The following RAD54B variants were observed in gnomAD, a reference collection of about 807,000 sequenced individuals.
RAD54B encodes RAD54 homolog B.
In RAD54B, 78 loss-of-function variants were observed where a neutral mutation model predicts 95.8. The ratio of observed to expected loss-of-function variants is 0.81; its 90% CI spans 0.68 to 0.98. The LOEUF (loss-of-function observed/expected upper bound fraction) is 0.98. RAD54B is among the 50% of genes least tolerant of loss of function. RAD54B has a pLI of 0.00. For missense variants in RAD54B, 957 were observed against 1,056.6 expected (o/e 0.91, Z 1.31); for synonymous variants, 328 against 354.9 (o/e 0.92, Z 0.85).
rs371957108 is a variant in RAD54B at position 94,467,457 on chromosome 8, G to A, written c.83C>T (p.Pro28Leu). Residue 28 changes from proline to leucine, a missense_variant, in exon 2 of 15, where the codon CCA (proline) becomes CTA (leucine). Coordinates refer to ENST00000336148, the MANE Select transcript of RAD54B (RefSeq NM_012415.3). ...PKFIPPGRSN[P>L]GLNEEITKLN... ...TTTTGTAATCTCTTCATTCAGACCT[G>A]GATTACTTCTTCCTGGAGGTATAAA... The A allele has an allele frequency of 2.4e-5, 38 of 1,613,088 alleles. No homozygotes were observed. Among genetic ancestry groups the A allele is most frequent in the Non-Finnish European group, 3.1e-5 (36 of 1,179,646 alleles).
rs199657611 is a variant in RAD54B at position 94,435,187 on chromosome 8, T to C, written c.304+23081A>G. Among the ~76,000 whole-genome samples the C allele has an allele frequency of 2.0e-5, 3 of 152,172 alleles. No individual in the cohort carries two copies. The East Asian group carries it at 5.8e-4, about 29-fold the overall frequency. On this transcript the variant is annotated intron_variant, in intron 3 of 14. Coordinates refer to ENST00000336148, the MANE Select transcript of RAD54B (RefSeq NM_012415.3). ...TTTACTGCGTAGTTTTCTGGATATC[T>C]AGCTATTGGGATTTCATCATTTGTC...
At position 94,378,748 on chromosome 8, in the gene RAD54B, C is replaced by T. The variant is rs1427580157; in HGVS notation, c.2248-114G>A. ...TCGGAATTCTATATTTTACATACAGCTTCAGAAAACAAATCTCAGGTGTGT... is the reference window on the plus strand; with the variant it reads ...TCGGAATTCTATATTTTACATACAGTTTCAGAAAACAAATCTCAGGTGTGT... On this transcript the variant is annotated intron_variant, in intron 12 of 14. Coordinates refer to ENST00000336148, the MANE Select transcript of RAD54B (RefSeq NM_012415.3). 4 of 690,196 alleles carry T rather than the reference C, an allele frequency of 5.8e-6. No individual in the cohort carries two copies. In the East Asian group the frequency reaches 8.2e-5, roughly 14 times the overall value. 42.8% of individuals were successfully genotyped at this position (690,196 alleles called of 1,614,324 possible).
intron 8 of RAD54B, 74 bp from the exon 9 acceptor site, chr8:94,393,956 C>T (rs1161486768): frequency 1.5e-6 from 2 of 1,328,614 alleles, no homozygotes; most frequent in African/African-American, 3.0e-5. Context: ...ATAGCAAAAC[C>T]ACAATGGAAG....
intron 1 of RAD54B, among the ~76,000 whole-genome samples, chr8:94,469,236 C>T (rs1813108250): frequency 6.6e-6 from 1 of 152,010 alleles, no homozygotes; most frequent in African/African-American, 2.4e-5. Context: ...GTGACCCCAC[C>T]CAATCTCACC....
chr8:94,390,794 T>C (rs936497582), intron 10 of RAD54B, among the ~76,000 whole-genome samples: 3 of 151,922 alleles, frequency 2.0e-5, no homozygotes, highest in African/African-American at 4.8e-5. Flanking sequence ...GATTTCAGAT[T>C]TTTTCAGATT....
chr8:94,374,539 A>G (rs1336001130), intron 14 of RAD54B, among the ~76,000 whole-genome samples: 2 of 152,202 alleles, frequency 1.3e-5, no homozygotes, highest in Admixed American at 1.3e-4. Flanking sequence ...TTGACAAGAG[A>G]TACCTAAAAC....
At chr8:94,396,097 AG>A (rs998434016) in intron 8 of RAD54B, among the ~76,000 whole-genome samples, 44 of 152,084 alleles carry the variant, frequency 2.9e-4, no homozygotes, top group Non-Finnish European at 1.5e-5. Flanking sequence ...AGAGTAAGGA[AG>A]GGGGGAAAAA....
chr8:94,394,676 A>C (rs1811100376), intron 8 of RAD54B, among the ~76,000 whole-genome samples: 1 of 152,204 alleles, frequency 6.6e-6, no homozygotes, highest in Admixed American at 6.5e-5. Flanking sequence ...TTTTCAAAGA[A>C]ACATTAGCAT....
At chr8:94,424,320 A>T (rs539240630) in intron 3 of RAD54B, among the ~76,000 whole-genome samples, 1 of 152,182 alleles carries the variant, frequency 6.6e-6, no homozygotes, top group African/African-American at 2.4e-5. Flanking sequence ...AATGAATATA[A>T]TACTAATACT....
intron 3 of RAD54B, among the ~76,000 whole-genome samples, chr8:94,419,738 G>A (rs1228688229): frequency 8.3e-6 from 1 of 120,664 alleles, no homozygotes; most frequent in Non-Finnish European, 1.6e-5. Flanking sequence ...CTCACAGCCT[G>A]GCCCCCACCA....
chr8:94,378,575 T>C lies in RAD54B; in HGVS notation c.2307A>G (p.Leu769=), dbSNP rs753645144. ...ACACTGAAGGGTTGTTACCTGTAGTTAGGAGTCTGTAAATATGTACAGGAT... is the reference window on the plus strand; with the variant it reads ...ACACTGAAGGGTTGTTACCTGTAGTCAGGAGTCTGTAAATATGTACAGGAT... ...QKYPVHIYRL[L]TTGTIEEKIY... Residue 769 remains leucine (L), a synonymous_variant, in exon 13 of 15, where the codon CTA becomes CTG. Transcript: ENST00000336148. The C allele has an allele frequency of 5.0e-6, 8 of 1,605,634 alleles. No individual in the cohort carries two copies. The highest frequency in any genetic ancestry group is 6.8e-6 in the Non-Finnish European group (8 of 1,175,172).
chr8:94,410,988 C>G, intron 4 of RAD54B, 133 bp downstream of exon 4: 1 of 647,346 alleles, frequency 1.5e-6, no homozygotes, highest in Non-Finnish European at 2.6e-6. Context: ...GTATTATACA[C>G]AGTTGAGGCA....
In RAD54B at chr8:94,428,960, T is replaced by C. The variant is rs115726003; in HGVS notation, c.305-17645A>G. ...ATGGTCAAATAAATAATTTTCTTTA[T>C]ACAGGAATTCTCATAAACTATACTA... is the stretch of plus-strand genomic sequence containing the variant. On this transcript the variant is annotated intron_variant, in intron 3 of 14. Coordinates refer to ENST00000336148, the MANE Select transcript of RAD54B (RefSeq NM_012415.3). 1.2e-3 allele frequency: 1,205 copies of C among 982,926 alleles called. 15 individuals carry two copies. In the African/African-American group the frequency reaches 0.019, roughly 16 times the overall value. The allele number at this position is 982,926 out of a possible 1,614,324, so 60.9% of individuals were successfully genotyped here. A position where few individuals can be genotyped will look rare whatever the true frequency, so the allele number is the denominator to read the frequency against.
intron 3 of RAD54B, among the ~76,000 whole-genome samples, chr8:94,424,152 T>A (rs1223996267): frequency 1.3e-5 from 2 of 152,192 alleles, no homozygotes; most frequent in Non-Finnish European, 2.9e-5. Flanking sequence ...TGAAATACCA[T>A]AAGATTCTCG....
At chr8:94,412,515 AC>A (rs1471170228) in intron 3 of RAD54B, among the ~76,000 whole-genome samples, 1 of 152,018 alleles carries the variant, frequency 6.6e-6, no homozygotes, top group East Asian at 1.9e-4. Flanking sequence ...TGCTTCTTAC[AC>A]CTAACTTGCA....
chr8:94,467,006 G>A (rs12375355), intron 2 of RAD54B, among the ~76,000 whole-genome samples: 37,108 of 152,030 alleles, frequency 0.24, 5,623 homozygotes, highest in East Asian at 0.43. Flanking sequence ...ACAGCTCACT[G>A]CAGCTTTGAC....
rs77744780 is a variant in RAD54B, at chr8:94,450,387, A to G, written c.304+7881T>C. Among the ~76,000 whole-genome samples, 510 of 152,340 alleles carry G rather than the reference A, an allele frequency of 3.3e-3. 5 individuals are homozygous for G. The East Asian group carries it at 0.039, about 12-fold the overall frequency. ...ACAGCAAATCTTGCAAAAGGTTGACATGATAGGTACTTGGAAAGAGACTGA... is the reference window on the plus strand; with the variant it reads ...ACAGCAAATCTTGCAAAAGGTTGACGTGATAGGTACTTGGAAAGAGACTGA... On this transcript the variant is annotated intron_variant, in intron 3 of 14. Transcript: ENST00000336148.
intron 3 of RAD54B, chr8:94,429,024 G>T: frequency 1.0e-6 from 1 of 983,668 alleles, no homozygotes; most frequent in Non-Finnish European, 1.2e-6. Flanking sequence ...AGACAATGAG[G>T]AGAATTATAT....
At position 94,378,291 on chromosome 8, in the gene RAD54B, T is replaced by A. The variant is rs770340985; in HGVS notation, c.2404A>T (p.Ile802Phe). Residue 802 changes from isoleucine (I) to phenylalanine (F), a missense_variant, in exon 14 of 15, where the codon ATT (isoleucine) becomes TTT (phenylalanine). Transcript: ENST00000336148. ...TTAAGTTCTTCTACTGAAAACTGAA[T>A]ATGTTCAGATGTCTTGGTGAGGTCG... Reference protein sequence around the residue: ...VVDLTKTSEHIQFSVEELKNL... With the variant: ...VVDLTKTSEHFQFSVEELKNL... The A allele has an allele frequency of 6.2e-7, 1 of 1,613,878 alleles. No homozygotes were observed. The highest frequency in any genetic ancestry group is 8.5e-7 in the Non-Finnish European group (1 of 1,179,946).
Sources: allele counts gnomAD v4.1 joint callset (sites outside exome capture counted in the v4.1 genomes callset), GRCh38; gene constraint gnomAD v4.1.1; transcripts MANE v1.5; gene names NCBI Gene and HGNC (gene_info 2026-07-23, HGNC 2026-07-21).